CCSER1: variants seen among roughly 807,000 people sequenced by gnomAD.
CCSER1 encodes serine-rich coiled-coil domain-containing protein 1.
A neutral mutation model predicts 82.0 loss-of-function variants in CCSER1; 41 were observed. The ratio of observed to expected loss-of-function variants is 0.50; its 90% CI spans 0.39 to 0.65. The LOEUF is 0.65. Ranked by LOEUF, CCSER1 falls within the 30% of genes least tolerant of loss-of-function variation. CCSER1 has a pLI of 0.00. For missense variants in CCSER1, 1,119 were observed against 1,064.2 expected (o/e 1.05, Z -0.72); for synonymous variants, 414 against 383.9 (o/e 1.08, Z -0.92).
chr4:90,743,052 G>A (rs1031596674), intron 7 of CCSER1, among the ~76,000 whole-genome samples: 1 of 152,102 alleles, frequency 6.6e-6, no homozygotes, highest in East Asian at 1.9e-4. Context: ...AAATTGGCAT[G>A]TTGATGGCAC....
chr4:90,600,546 A>G (rs1470463218), intron 5 of CCSER1, among the ~76,000 whole-genome samples: 2 of 152,034 alleles, frequency 1.3e-5, no homozygotes, highest in South Asian at 2.1e-4. Context: ...AACTCTCTCT[A>G]TATTTTGGAT....
intron 1 of CCSER1, among the ~76,000 whole-genome samples, chr4:90,184,334 A>G (rs771847416): frequency 1.3e-5 from 2 of 152,152 alleles, no homozygotes; most frequent in African/African-American, 2.4e-5. Context: ...GTTGGCAGAA[A>G]GATTTGCACC....
chr4:91,023,996 G>A (rs1056219387), intron 9 of CCSER1, among the ~76,000 whole-genome samples: 2 of 152,110 alleles, frequency 1.3e-5, no homozygotes, highest in Non-Finnish European at 1.5e-5. Flanking sequence ...AGTCAAGGGG[G>A]TGCATCTGGT....
At chr4:90,489,656 G>A (rs567149158) in intron 5 of CCSER1, among the ~76,000 whole-genome samples, 4 of 152,162 alleles carry the variant, frequency 2.6e-5, no homozygotes, top group African/African-American at 4.8e-5. Context: ...ATTTCCTAAC[G>A]ATATCCATCC....
intron 1 of CCSER1, among the ~76,000 whole-genome samples, chr4:90,150,743 A>G (rs1044477072): frequency 6.6e-6 from 1 of 152,128 alleles, no homozygotes; most frequent in Non-Finnish European, 1.5e-5. Context: ...GCTCTATTCT[A>G]TGTAAATATC....
At chr4:91,358,471 G>A (rs1749019981) in intron 10 of CCSER1, among the ~76,000 whole-genome samples, 1 of 148,500 alleles carries the variant, frequency 6.7e-6, no homozygotes, top group South Asian at 2.1e-4. Flanking sequence ...AGGTAAAGAG[G>A]GCACACACAC....
chr4:91,416,959 A>G (rs1753402086), intron 10 of CCSER1, among the ~76,000 whole-genome samples: 1 of 152,230 alleles, frequency 6.6e-6, no homozygotes, highest in Admixed American at 6.5e-5. Context: ...TGTCCATCTG[A>G]CAAAGGTCTA....
At chr4:91,347,747 A>G (rs144970260) in intron 10 of CCSER1, among the ~76,000 whole-genome samples, 9 of 151,990 alleles carry the variant, frequency 5.9e-5, no homozygotes, top group Middle Eastern at 3.4e-3. Flanking sequence ...AAATGGTATT[A>G]TGTTTTCCAT....
At chr4:91,167,220 G>T (rs373486062) in intron 10 of CCSER1, among the ~76,000 whole-genome samples, 1 of 120,522 alleles carries the variant, frequency 8.3e-6, no homozygotes, top group Non-Finnish European at 1.6e-5. Flanking sequence ...GGCTTCTCAC[G>T]CTGTCACACA....
chr4:91,041,133 G>A (rs1311873740), intron 9 of CCSER1, among the ~76,000 whole-genome samples: 1 of 152,160 alleles, frequency 6.6e-6, no homozygotes, highest in East Asian at 1.9e-4. Context: ...TGGACTAGGG[G>A]AGATGAGGGG....
chr4:90,964,085 T>C (rs1292527756), intron 9 of CCSER1, among the ~76,000 whole-genome samples: 1 of 152,166 alleles, frequency 6.6e-6, no homozygotes, highest in African/African-American at 2.4e-5. Flanking sequence ...AAAATTGACA[T>C]ACCTCCCTAA....
chr4:91,174,819 TTTC>T (rs1288447037), intron 10 of CCSER1, among the ~76,000 whole-genome samples: 6 of 69,702 alleles, frequency 8.6e-5, no homozygotes, highest in African/African-American at 1.3e-4. Flanking sequence ...TTGTTTTTCT[TTTC>T]TTTTTTTTTT....
intron 1 of CCSER1, among the ~76,000 whole-genome samples, chr4:90,233,696 G>T (rs184585752): frequency 0.013 from 1,847 of 147,484 alleles, 31 homozygotes; most frequent in African/African-American, 0.036. Context: ...GGGTATAAAA[G>T]CCTTCGCAGT....
At chr4:90,388,244 A>G (rs960991399) in intron 3 of CCSER1, among the ~76,000 whole-genome samples, 2 of 152,208 alleles carry the variant, frequency 1.3e-5, no homozygotes, top group Admixed American at 6.5e-5. Flanking sequence ...TTCCCACTAT[A>G]TACTGTGTTA....
chr4:90,439,586 T>A (rs994920403), intron 4 of CCSER1, among the ~76,000 whole-genome samples: 1 of 152,204 alleles, frequency 6.6e-6, no homozygotes, highest in African/African-American at 2.4e-5. Flanking sequence ...TCCCCTTAGA[T>A]ATTTTGCTTC....
intron 8 of CCSER1, among the ~76,000 whole-genome samples, chr4:90,884,389 C>T (rs755095158): frequency 2.6e-5 from 4 of 152,204 alleles, no homozygotes; most frequent in Middle Eastern, 3.4e-3. Flanking sequence ...TATACACACA[C>T]GCACATACAC....
At chr4:90,286,706 A>G (rs1259277777) in intron 1 of CCSER1, among the ~76,000 whole-genome samples, 5 of 151,976 alleles carry the variant, frequency 3.3e-5, no homozygotes, top group African/African-American at 7.2e-5. Flanking sequence ...TTAACATTCT[A>G]TATTTATTTT....
intron 10 of CCSER1, among the ~76,000 whole-genome samples, chr4:91,127,764 A>G (rs1727639904): frequency 6.6e-6 from 1 of 152,086 alleles, no homozygotes; most frequent in South Asian, 2.1e-4. Flanking sequence ...GTCATGACTA[A>G]TCGAAGAATT....
chr4:90,712,316 A>G (rs1740768531), intron 6 of CCSER1, among the ~76,000 whole-genome samples: 1 of 151,808 alleles, frequency 6.6e-6, no homozygotes, highest in African/African-American at 2.4e-5. Flanking sequence ...TGCCTTAGCT[A>G]TGTCCCAGAG....
Sources: gnomAD v4.1 joint callset for allele counts (sites outside exome capture counted in the v4.1 genomes callset) on GRCh38, gnomAD v4.1.1 for gene constraint, MANE v1.5 for transcripts, NCBI Gene and HGNC (gene_info 2026-07-23, HGNC 2026-07-21) for gene names.